The following WDR64 variants were observed in gnomAD, a reference collection of about 807,000 sequenced individuals.
WDR64 encodes WD repeat domain 64.
WDR64 carries 112 observed loss-of-function variants against 139.3 expected under a neutral mutation model. The ratio of observed to expected loss-of-function variants is 0.80; its 90% CI spans 0.69 to 0.94. The LOEUF is 0.94. WDR64 is among the 40% of genes least tolerant of loss of function. The pLI is 0.00. For missense variants in WDR64, 1,206 were observed against 1,293.1 expected (o/e 0.93, Z 1.03); for synonymous variants, 444 against 437.7 (o/e 1.01, Z -0.18).
At chr1:241,693,697 T>C (rs768759376) in intron 8 of WDR64, among the ~76,000 whole-genome samples, 21 of 152,132 alleles carry the variant, frequency 1.4e-4, no homozygotes, top group Non-Finnish European at 2.2e-4. Flanking sequence ...AATCTAAAAC[T>C]GTTCTGAAAA....
intron 27 of WDR64, among the ~76,000 whole-genome samples, chr1:241,799,223 A>AAAAAAAAAAAAAAAAAC (rs57367475): frequency 7.6e-6 from 1 of 131,486 alleles, no homozygotes; most frequent in Non-Finnish European, 1.7e-5. Context: ...AAAAAAAAAA[A>AAAAAAAAAAAAAAAAAC]TACAAAAATT....
intron 19 of WDR64, among the ~76,000 whole-genome samples, chr1:241,771,960 A>G (rs1658467820): frequency 1.1e-5 from 1 of 88,502 alleles, no homozygotes; most frequent in African/African-American, 5.6e-5. Flanking sequence ...ATATATATAT[A>G]TATATATATA....
Position 241,652,588 on chromosome 1 carries a change from A to C in WDR64, c.104A>C (p.Gln35Pro). ...FEKLVEQTAAQKRDERAGLFI... is the reference protein window; with the variant it reads ...FEKLVEQTAAPKRDERAGLFI... ...AAATTGGTTGAACAAACAGCAGCCCAGAAAAGAGATGAAAGAGCAGGCTTA... is the reference window on the plus strand; with the variant it reads ...AAATTGGTTGAACAAACAGCAGCCCCGAAAAGAGATGAAAGAGCAGGCTTA... Residue 35 changes from glutamine (Q) to proline (P), a missense_variant, in exon 1 of 28, where the codon CAG (glutamine) becomes CCG (proline). Transcript: ENST00000437684. 6.4e-7 allele frequency: 1 copy of C among 1,551,922 alleles called. No individual in the cohort carries two copies. Among genetic ancestry groups the C allele is most frequent in the East Asian group, 2.4e-5 (1 of 40,922 alleles).
intron 10 of WDR64, among the ~76,000 whole-genome samples, chr1:241,730,568 G>A (rs1669038250): frequency 6.6e-6 from 1 of 152,056 alleles, no homozygotes. Context: ...AACTATCTGG[G>A]TATTCTATTG....
intron 15 of WDR64, 51 bp from the exon 16 acceptor site, chr1:241,766,167 C>T (rs747679842): frequency 7.6e-6 from 12 of 1,573,450 alleles, no homozygotes; most frequent in South Asian, 4.7e-5. Flanking sequence ...GCGTTTGCAC[C>T]GCGAATCATG....
chr1:241,763,591 G>C (rs1658019007), intron 15 of WDR64, among the ~76,000 whole-genome samples: 1 of 152,184 alleles, frequency 6.6e-6, no homozygotes. Flanking sequence ...TGTAATCCTA[G>C]CTACGGGGGA....
intron 2 of WDR64, among the ~76,000 whole-genome samples, chr1:241,669,306 G>T (rs1666136478): frequency 6.6e-6 from 1 of 152,122 alleles, no homozygotes; most frequent in African/African-American, 2.4e-5. Flanking sequence ...CGGTATTGTG[G>T]GTTCGAATGA....
intron 8 of WDR64, among the ~76,000 whole-genome samples, chr1:241,709,974 C>T (rs1254245377): frequency 4.7e-5 from 7 of 150,512 alleles, no homozygotes; most frequent in African/African-American, 4.9e-5. Context: ...TTTTAAAATA[C>T]GATTTAGACA....
chr1:241,744,603 G>A (rs951608985), intron 13 of WDR64, 87 bp downstream of exon 13: 12 of 1,559,056 alleles, frequency 7.7e-6, no homozygotes, highest in Non-Finnish European at 7.8e-6. Context: ...AGGGTAGAAG[G>A]AGAGCATGAA....
intron 18 of WDR64, 87 bp downstream of exon 18, chr1:241,770,777 C>T: frequency 8.2e-7 from 1 of 1,222,452 alleles, no homozygotes; most frequent in Non-Finnish European, 1.1e-6. Context: ...TGAGCCCCTC[C>T]TTTGATAGAA....
In WDR64 at chr1:241,790,571, T is replaced by C; in HGVS notation, c.2892-20T>C. On this transcript the variant is annotated intron_variant, in intron 24 of 27. Transcript: ENST00000437684. ...ATAAAAGGTATGGGTATGTACTTAT[T>C]CTTGTATCTTTATATGCAGATGGAG... 1.3e-6 allele frequency: 2 copies of C among 1,584,618 alleles called. No individual in the cohort carries two copies. Among genetic ancestry groups the C allele is most frequent in the Non-Finnish European group, 1.7e-6 (2 of 1,161,110 alleles).
At chr1:241,792,170 G>A (rs1401216177) in intron 25 of WDR64, among the ~76,000 whole-genome samples, 3 of 152,040 alleles carry the variant, frequency 2.0e-5, no homozygotes, top group Admixed American at 6.5e-5. Context: ...TTAGTTCCCC[G>A]GGATGTCCTT....
rs553420442 is a variant in WDR64, at chr1:241,712,064, A to G, written c.1054+183A>G. Among the ~76,000 whole-genome samples, 3 of 152,328 alleles carry G rather than the reference A, an allele frequency of 2.0e-5. No individual in the cohort carries two copies. The South Asian group carries it at 6.2e-4, about 32-fold the overall frequency. On this transcript the variant is annotated intron_variant, in intron 9 of 27. Transcript: ENST00000437684. ...ACTTAGAAAAGCCTTCTTCAGCCCA[A>G]GAGTGTGTGAGAGAAATTTTCCTGT...
intron 15 of WDR64, among the ~76,000 whole-genome samples, chr1:241,765,851 G>A (rs1337142025): frequency 6.6e-6 from 1 of 152,124 alleles, no homozygotes; most frequent in Non-Finnish European, 1.5e-5. Context: ...TGAAGCAGAA[G>A]CCAATGAAAT....
intron 8 of WDR64, 34 bp from the exon 9 acceptor site, chr1:241,711,766 AAT>A (rs769735461): frequency 1.3e-6 from 2 of 1,599,162 alleles, no homozygotes; most frequent in African/African-American, 1.3e-5. Flanking sequence ...GATAAAGAAA[AAT>A]ATATATGTTT....
At chr1:241,679,455 A>G in intron 5 of WDR64, 30 bp from the exon 6 acceptor site, 1 of 1,533,404 alleles carries the variant, frequency 6.5e-7, no homozygotes, top group Non-Finnish European at 8.8e-7. Context: ...GAAATGCATT[A>G]TATCCCCCAA....
chr1:241,704,514 A>T (rs1408446737), intron 8 of WDR64, among the ~76,000 whole-genome samples: 1 of 152,194 alleles, frequency 6.6e-6, no homozygotes, highest in Non-Finnish European at 1.5e-5. Flanking sequence ...CATTTTCCAA[A>T]TTGACATCAA....
Position 241,772,848 on chromosome 1 carries a change from G to A in WDR64, c.2347G>A (p.Gly783Arg), listed in dbSNP as rs1412879554. The A allele has an allele frequency of 1.3e-6, 2 of 1,551,868 alleles. No homozygotes were observed. The highest frequency in any genetic ancestry group is 2.7e-5 in the African/African-American group (2 of 72,980). Reference sequence around the variant, plus strand: ...ACAGCCAATGGACAAAAAACACCCTGGAATTGCCAATTTACCAGAAGCCCA... The same window carrying A: ...ACAGCCAATGGACAAAAAACACCCTAGAATTGCCAATTTACCAGAAGCCCA... Reference protein sequence around the residue: ...KQQPMDKKHPGIANLPEAQPP... With the variant: ...KQQPMDKKHPRIANLPEAQPP... The change falls in exon 20 of 28, where the codon GGA becomes AGA. Residue 783 changes from glycine (G) to arginine (R), a missense_variant. Coordinates refer to ENST00000437684, the MANE Select transcript of WDR64 (RefSeq NM_001367482.1).
At chr1:241,796,217 C>A in intron 26 of WDR64, 40 bp from the exon 27 acceptor site, 1 of 1,454,762 alleles carries the variant, frequency 6.9e-7, no homozygotes, top group Admixed American at 1.8e-5. Context: ...CAGAAGTAAT[C>A]ACTTTGAGTG....
Sources: gnomAD v4.1 joint callset for allele counts (sites outside exome capture counted in the v4.1 genomes callset) on GRCh38, gnomAD v4.1.1 for gene constraint, MANE v1.5 for transcripts, NCBI Gene and HGNC (gene_info 2026-07-23, HGNC 2026-07-21) for gene names.